ACTR3C: variants seen among roughly 807,000 people sequenced by gnomAD.
The protein encoded by ACTR3C is actin related protein 3C, also known as actin-related protein 3C.
In ACTR3C, 18 loss-of-function variants were observed where a neutral mutation model predicts 26.3. The ratio of observed to expected loss-of-function variants is 0.68; its 90% CI spans 0.47 to 1.01. The LOEUF (loss-of-function observed/expected upper bound fraction) is 1.01, where lower values mean the gene tolerates loss of function less well. Ranked by LOEUF, ACTR3C falls within the 50% of genes least tolerant of loss-of-function variation. The pLI, the probability that ACTR3C is intolerant of heterozygous loss-of-function variation, is 0.00. For missense variants in ACTR3C, 184 were observed against 250.7 expected, an observed-to-expected ratio of 0.73 and a Z score of 1.80; for synonymous variants, 55 against 94.5, an observed-to-expected ratio of 0.58 and a Z score of 2.42.
At chr7:150,082,947 C>CTTTTTTTTTTTTTTTTTTTTTTT in the ACTR3C span, among the ~76,000 whole-genome samples, 21 of 108,514 alleles carry the variant, frequency 1.9e-4, no homozygotes, top group Admixed American at 3.3e-4. Flanking sequence ...TTTTTTTTTT[C>CTTTTTTTTTTTTTTTTTTTTTTT]TTTTTTTTTT....
chr7:150,138,773 G>C, the ACTR3C span, among the ~76,000 whole-genome samples: 7 of 152,396 alleles, frequency 4.6e-5, no homozygotes, highest in African/African-American at 7.2e-5. Flanking sequence ...ATGAATGATG[G>C]CTTCATCTGT....
chr7:150,031,847 G>A, the ACTR3C span, among the ~76,000 whole-genome samples: 10 of 152,162 alleles, frequency 6.6e-5, no homozygotes, highest in Admixed American at 5.2e-4. Context: ...ACTGCTGGTT[G>A]TGTTTTCCTT....
the ACTR3C span, among the ~76,000 whole-genome samples, chr7:150,199,735 A>AAAAAC: frequency 1.6e-5 from 2 of 129,020 alleles, no homozygotes; most frequent in African/African-American, 6.5e-5. Context: ...CAAAAAAAAA[A>AAAAAC]AAAAAAAAAA....
the ACTR3C span, among the ~76,000 whole-genome samples, chr7:150,127,764 GAAC>G: frequency 6.6e-6 from 1 of 151,112 alleles, no homozygotes; most frequent in South Asian, 2.1e-4. Flanking sequence ...TTTCCTCTAT[GAAC>G]TAATTCAAAC....
At chr7:149,924,652 G>A in the ACTR3C span, among the ~76,000 whole-genome samples, 110 of 151,926 alleles carry the variant, frequency 7.2e-4, no homozygotes, top group Non-Finnish European at 1.3e-3. Flanking sequence ...TTGAGACAGC[G>A]TCTGGCTCTG....
chr7:150,300,377 A>G (rs1362704440), intron 1 of ACTR3C, among the ~76,000 whole-genome samples: 1 of 152,200 alleles, frequency 6.6e-6, no homozygotes, highest in African/African-American at 2.4e-5. Context: ...AAAAAAAGAA[A>G]GAACAAAAAC....
the ACTR3C span, among the ~76,000 whole-genome samples, chr7:149,943,110 G>A: frequency 6.6e-6 from 1 of 151,768 alleles, no homozygotes; most frequent in African/African-American, 2.4e-5. Context: ...CCCGGGGCCT[G>A]CTGTTTTGTA....
At chr7:150,210,291 G>A in the ACTR3C span, among the ~76,000 whole-genome samples, 1 of 149,950 alleles carries the variant, frequency 6.7e-6, no homozygotes, top group Non-Finnish European at 1.5e-5. Flanking sequence ...ATTCTAAAAT[G>A]ACTCTGGAAA....
the ACTR3C span, among the ~76,000 whole-genome samples, chr7:149,888,384 A>G: frequency 0.013 from 2,026 of 152,334 alleles, 37 homozygotes; most frequent in African/African-American, 0.046. Context: ...GATTGTTTCA[A>G]TTTACACTCA....
chr7:150,211,857 T>C, the ACTR3C span, among the ~76,000 whole-genome samples: 1 of 148,348 alleles, frequency 6.7e-6, no homozygotes, highest in Non-Finnish European at 1.5e-5. Flanking sequence ...GAGGCCCCAG[T>C]GAATTGTCAG....
At chr7:150,293,100 T>C (rs1836417937) in intron 3 of ACTR3C, among the ~76,000 whole-genome samples, 1 of 151,882 alleles carries the variant, frequency 6.6e-6, no homozygotes, top group Non-Finnish European at 1.5e-5. Flanking sequence ...GCCACAATAA[T>C]TGGCCATCCT....
At chr7:150,192,498 C>T in the ACTR3C span, among the ~76,000 whole-genome samples, 4 of 152,110 alleles carry the variant, frequency 2.6e-5, no homozygotes, top group Non-Finnish European at 5.9e-5. Context: ...AACGACGTCT[C>T]GCTCTGTTGC....
chr7:150,123,641 A>AGGGTACC, the ACTR3C span, among the ~76,000 whole-genome samples: 2 of 151,832 alleles, frequency 1.3e-5, no homozygotes, highest in African/African-American at 2.4e-5. Flanking sequence ...GTACCTACTT[A>AGGGTACC]ATGCAAGTGC....
chr7:150,125,813 C>T, the ACTR3C span, among the ~76,000 whole-genome samples: 13 of 152,254 alleles, frequency 8.5e-5, no homozygotes, highest in South Asian at 1.5e-3. Context: ...AAACAGGATT[C>T]GAACCCTTAG....
At chr7:150,043,751 G>A in the ACTR3C span, among the ~76,000 whole-genome samples, 1 of 152,268 alleles carries the variant, frequency 6.6e-6, no homozygotes, top group South Asian at 2.1e-4. Context: ...CATTTATTAG[G>A]AAAATCATGT....
At chr7:150,036,938 G>C in the ACTR3C span, among the ~76,000 whole-genome samples, 2 of 97,504 alleles carry the variant, frequency 2.1e-5, no homozygotes, top group Non-Finnish European at 4.8e-5. Flanking sequence ...GGGGTCCTAA[G>C]AGCCAGTGGG....
At chr7:149,936,819 T>C in the ACTR3C span, among the ~76,000 whole-genome samples, 1 of 152,036 alleles carries the variant, frequency 6.6e-6, no homozygotes, top group Non-Finnish European at 1.5e-5. Flanking sequence ...GACAGGATCT[T>C]GCTCTGTTGG....
the ACTR3C span, among the ~76,000 whole-genome samples, chr7:150,178,958 A>C: frequency 6.7e-6 from 1 of 150,302 alleles, no homozygotes; most frequent in Non-Finnish European, 1.5e-5. Flanking sequence ...TGGCAGCAGC[A>C]GACTACAGTT....
chr7:150,224,775 G>C, the ACTR3C span, among the ~76,000 whole-genome samples: 1 of 152,172 alleles, frequency 6.6e-6, no homozygotes, highest in Non-Finnish European at 1.5e-5. Context: ...ACCTCCTTGA[G>C]GGCAGAGCGT....
Sources: gnomAD v4.1 joint callset for allele counts (sites outside exome capture counted in the v4.1 genomes callset) on GRCh38, gnomAD v4.1.1 for gene constraint, MANE v1.5 for transcripts, NCBI Gene and HGNC (gene_info 2026-07-23, HGNC 2026-07-21) for gene names.